HEXB: variants seen among roughly 807,000 people sequenced by gnomAD.
The protein encoded by HEXB is hexosaminidase subunit beta.
A neutral mutation model predicts 71.2 loss-of-function variants in HEXB; 51 were observed. That is an observed-to-expected ratio of 0.72 (90% CI 0.57 to 0.90). HEXB has a LOEUF of 0.90. Ranked by LOEUF, HEXB falls within the 40% of genes least tolerant of loss-of-function variation. The pLI is 0.00. For synonymous variants in HEXB, 266 were observed against 249.3 expected, an observed-to-expected ratio of 1.07 and a Z score of -0.63; for missense variants, 617 against 677.0, an observed-to-expected ratio of 0.91 and a Z score of 0.98.
At chr5:74,667,238 A>C (rs1359737598) in intron 1 of HEXB, among the ~76,000 whole-genome samples, 1 of 144,368 alleles carries the variant, frequency 6.9e-6, no homozygotes, top group Non-Finnish European at 1.5e-5. Context: ...AAAATGGAGA[A>C]ACCCTGCTCT....
At chr5:74,667,628 G>A (rs1258869012) in intron 1 of HEXB, among the ~76,000 whole-genome samples, 1 of 152,174 alleles carries the variant, frequency 6.6e-6, no homozygotes, top group Admixed American at 6.5e-5. Context: ...ATGTCCAGAA[G>A]TCAAGTGCTG....
chr5:74,672,714 G>A (rs974269896), intron 1 of HEXB, among the ~76,000 whole-genome samples: 3 of 152,200 alleles, frequency 2.0e-5, no homozygotes, highest in African/African-American at 4.8e-5. Flanking sequence ...GAGATGTCCT[G>A]TCACACCTCC....
rs1554037137 is a variant in HEXB, at chr5:74,720,708, C to CCTATGACAGACTGACA, written c.1575_1590dup (p.Arg531LeufsTer2). The CCTATGACAGACTGACA allele has an allele frequency of 6.2e-7, 1 of 1,614,088 alleles. No individual in the cohort carries two copies. The highest frequency in any genetic ancestry group is 8.5e-7 in the Non-Finnish European group (1 of 1,179,970). Reference sequence around the variant, plus strand: ...AAAGATGTCAGAGATATGGATGACGCCTATGACAGACTGACAAGGCACCGC... The same window carrying CCTATGACAGACTGACA: ...AAAGATGTCAGAGATATGGATGACGCCTATGACAGACTGACACTATGACAGACTGACAAGGCACCGC... On this transcript the variant is annotated frameshift_variant, in exon 13 of 14. Coordinates refer to ENST00000261416, the MANE Select transcript of HEXB (RefSeq NM_000521.4). LOFTEE classifies it low-confidence loss of function (END_TRUNC).
intron 1 of HEXB, among the ~76,000 whole-genome samples, chr5:74,679,911 C>A (rs1748708090): frequency 6.6e-6 from 1 of 150,474 alleles, no homozygotes; most frequent in Non-Finnish European, 1.5e-5. Flanking sequence ...TTATAAAATC[C>A]CTTAAGACCT....
chr5:74,705,535 A>C lies in HEXB; in HGVS notation c.771+215A>C, dbSNP rs144450050. ...TTACTGTAATTGTTACTGTGAATAT[A>C]AACAATCTTGGGGAAGTGTAAATCG... is the stretch of plus-strand genomic sequence containing the variant. On this transcript the variant is annotated intron_variant, in intron 6 of 13. Transcript: ENST00000261416. 10,605 of 540,208 alleles carry C rather than the reference A, an allele frequency of 0.02. 165 individuals are homozygous for C. The highest frequency in any genetic ancestry group is 0.026 in the Non-Finnish European group (7,826 of 302,280). The allele number at this position is 540,208 out of a possible 1,614,324, so 33.5% of individuals were successfully genotyped here.
At chr5:74,659,395 G>A (rs1027988939) in intron 1 of HEXB, among the ~76,000 whole-genome samples, 5 of 152,144 alleles carry the variant, frequency 3.3e-5, no homozygotes, top group African/African-American at 1.2e-4. Flanking sequence ...GCAGGTGGAG[G>A]GCTGATCCTG....
Position 74,685,425 on chromosome 5 carries a change from G to T in HEXB, c.165G>T (p.Ala55=). ...GCGTCTCGGCCAAGCCGGGGCCGGC[G>T]CTGTGGCCCCTGCCGCTCTTGGTGA... ...APSVSAKPGP[A]LWPLPLLVKM... The change falls in exon 1 of 14, where the codon GCG becomes GCT. Residue 55 remains alanine, a synonymous_variant. Coordinates refer to ENST00000261416, the MANE Select transcript of HEXB (RefSeq NM_000521.4). The T allele has an allele frequency of 6.2e-7, 1 of 1,602,648 alleles. No individual in the cohort carries two copies. The highest frequency in any genetic ancestry group is 8.5e-7 in the Non-Finnish European group (1 of 1,176,134).
At chr5:74,647,069 A>T (rs1221912827) in intron 1 of HEXB, among the ~76,000 whole-genome samples, 1 of 152,176 alleles carries the variant, frequency 6.6e-6, no homozygotes, top group Non-Finnish European at 1.5e-5. Flanking sequence ...GTAAAAGCTC[A>T]CTCAGATCTA....
chr5:74,688,761 A>G (rs1267835658), intron 1 of HEXB, among the ~76,000 whole-genome samples: 1 of 152,208 alleles, frequency 6.6e-6, no homozygotes, highest in Middle Eastern at 3.2e-3. Context: ...ATCTGGCTCA[A>G]ACAATAGGAA....
chr5:74,665,126 A>T (rs1157541420), intron 1 of HEXB, among the ~76,000 whole-genome samples: 4 of 152,232 alleles, frequency 2.6e-5, no homozygotes, highest in Non-Finnish European at 5.9e-5. Context: ...GTCCCCAAAT[A>T]AGAAAGTGGT....
intron 13 of HEXB, 64 bp downstream of exon 13, chr5:74,720,811 T>TATAA: frequency 7.7e-7 from 1 of 1,302,226 alleles, no homozygotes; most frequent in Non-Finnish European, 1.1e-6. Flanking sequence ...TTTCTTTTGC[T>TATAA]ATAAATAGAA....
chr5:74,664,675 G>T (rs746274710), intron 1 of HEXB, among the ~76,000 whole-genome samples: 1 of 152,102 alleles, frequency 6.6e-6, no homozygotes, highest in Non-Finnish European at 1.5e-5. Context: ...TAAAGGAAAG[G>T]GTTACAGAGA....
chr5:74,645,488 G>T (rs973229271), intron 1 of HEXB, among the ~76,000 whole-genome samples: 1 of 152,168 alleles, frequency 6.6e-6, no homozygotes, highest in Non-Finnish European at 1.5e-5. Flanking sequence ...TCTTTGTCCC[G>T]TAAGTACTAA....
intron 2 of HEXB, among the ~76,000 whole-genome samples, chr5:74,690,545 G>A (rs888352493): frequency 1.7e-4 from 26 of 151,438 alleles, no homozygotes; most frequent in African/African-American, 5.8e-4. Flanking sequence ...CCAGCTACTC[G>A]GGAGGCTGAG....
At chr5:74,708,161 C>T (rs1227475735) in intron 6 of HEXB, among the ~76,000 whole-genome samples, 2 of 151,862 alleles carry the variant, frequency 1.3e-5, no homozygotes, top group Non-Finnish European at 2.9e-5. Flanking sequence ...AAAGAATTTT[C>T]AACCCAGAAT....
At chr5:74,659,309 C>T (rs927534680) in intron 1 of HEXB, among the ~76,000 whole-genome samples, 1 of 152,150 alleles carries the variant, frequency 6.6e-6, no homozygotes, top group African/African-American at 2.4e-5. Flanking sequence ...TCTTAGTCTG[C>T]CCAATAGACC....
chr5:74,655,293 T>C (rs1748196593), intron 1 of HEXB, among the ~76,000 whole-genome samples: 1 of 149,366 alleles, frequency 6.7e-6, no homozygotes, highest in Non-Finnish European at 1.5e-5. Flanking sequence ...ATGGAGATAA[T>C]AACCCTTCAA....
At chr5:74,708,614 A>G (rs890541810) in intron 6 of HEXB, among the ~76,000 whole-genome samples, 1 of 152,146 alleles carries the variant, frequency 6.6e-6, no homozygotes, top group African/African-American at 2.4e-5. Context: ...AGGAAATGGA[A>G]AACAAAAAAA....
intron 13 of HEXB, 126 bp downstream of exon 13, chr5:74,720,873 T>TGTAAGTAATAATACCTGTAAAGA (rs1561229536): frequency 3.5e-6 from 3 of 864,306 alleles, no homozygotes; most frequent in Non-Finnish European, 5.7e-6. Flanking sequence ...ATTATTTTTT[T>TGTAAGTAATAATACCTGTAAAGA]GTAAGTAATA....
Sources: gnomAD v4.1 joint callset for allele counts (sites outside exome capture counted in the v4.1 genomes callset) on GRCh38, gnomAD v4.1.1 for gene constraint, MANE v1.5 for transcripts, NCBI Gene and HGNC (gene_info 2026-07-23, HGNC 2026-07-21) for gene names.